Variants in RBFOX3 observed in about 807,000 individuals in gnomAD.
RBFOX3 encodes RNA binding protein fox-1 homolog 3.
In RBFOX3, 17 loss-of-function variants were observed where a neutral mutation model predicts 48.7. The observed-to-expected ratio is 0.35, with a 90% CI of 0.24 to 0.52. The LOEUF is 0.52. RBFOX3 is among the 20% of genes least tolerant of loss of function. RBFOX3 has a pLI of 0.94. For missense variants in RBFOX3, 382 were observed against 497.5 expected, an observed-to-expected ratio of 0.77 and a Z score of 2.21; for synonymous variants, 212 against 209.5, an observed-to-expected ratio of 1.01 and a Z score of -0.10.
intron 3 of RBFOX3, among the ~76,000 whole-genome samples, chr17:79,270,645 C>T (rs79037045): frequency 0.013 from 1,968 of 152,370 alleles, 45 homozygotes; most frequent in African/African-American, 0.045. Flanking sequence ...ACTGGTCCCC[C>T]TCCAGGTGCA....
the RBFOX3 span, among the ~76,000 whole-genome samples, chr17:79,627,003 A>C: frequency 6.6e-6 from 1 of 152,252 alleles, no homozygotes; most frequent in East Asian, 1.9e-4. Flanking sequence ...AAACAGGAAG[A>C]TGCACCCAGC....
intron 4 of RBFOX3, among the ~76,000 whole-genome samples, chr17:79,163,232 A>C (rs924588926): frequency 6.6e-6 from 1 of 152,098 alleles, no homozygotes. Flanking sequence ...CGGGCAGCAC[A>C]CTCGGCTGAA....
At chr17:79,108,848 C>T (rs539065891) in intron 5 of RBFOX3, among the ~76,000 whole-genome samples, 4 of 152,346 alleles carry the variant, frequency 2.6e-5, no homozygotes, top group South Asian at 2.1e-4. Flanking sequence ...TCTTCCCTGG[C>T]GACAGCCCCT....
chr17:79,567,553 A>G (rs2144428758), intron 1 of RBFOX3, among the ~76,000 whole-genome samples: 1 of 149,884 alleles, frequency 6.7e-6, no homozygotes, highest in Non-Finnish European at 1.5e-5. Flanking sequence ...CCATGTTGCC[A>G]TAAATGACAG....
In RBFOX3 at chr17:79,515,416, G is replaced by C. The variant is rs907235953; in HGVS notation, c.-319-32818C>G. 5.3e-5 allele frequency among the ~76,000 whole-genome samples: 8 copies of C among 152,274 alleles called. No homozygotes were observed. In the East Asian group the frequency reaches 1.5e-3, roughly 29 times the overall value. ...ATGTGTCAAGCCACTTGTACCCCAG[G>C]TCTCTCCCATCTCCTGTGTTACACT... is the stretch of plus-strand genomic sequence containing the variant. On this transcript the variant is annotated intron_variant, in intron 1 of 14. Transcript: ENST00000693108.
intron 2 of RBFOX3, among the ~76,000 whole-genome samples, chr17:79,397,382 A>T (rs781308340): frequency 2.6e-5 from 4 of 151,820 alleles, no homozygotes; most frequent in Non-Finnish European, 4.4e-5. Flanking sequence ...AGTCCCAGCT[A>T]CTCGGGGGTC....
At chr17:79,295,186 T>A (rs2074128764) in intron 3 of RBFOX3, among the ~76,000 whole-genome samples, 1 of 152,162 alleles carries the variant, frequency 6.6e-6, no homozygotes, top group African/African-American at 2.4e-5. Flanking sequence ...TTGGGGCCCA[T>A]AAGCCACGCA....
intron 2 of RBFOX3, among the ~76,000 whole-genome samples, chr17:79,457,712 C>A (rs9905474): frequency 6.6e-6 from 1 of 152,196 alleles, no homozygotes; most frequent in African/African-American, 2.4e-5. Context: ...GCTGTCCCCG[C>A]GATGTCCCTG....
intron 4 of RBFOX3, among the ~76,000 whole-genome samples, chr17:79,165,948 C>T (rs1259404972): frequency 6.6e-6 from 1 of 152,238 alleles, no homozygotes; most frequent in African/African-American, 2.4e-5. Flanking sequence ...CACTGTGAGC[C>T]AAGGCCCTGC....
intron 3 of RBFOX3, among the ~76,000 whole-genome samples, chr17:79,275,123 C>T (rs947316736): frequency 9.2e-5 from 12 of 130,578 alleles, no homozygotes; most frequent in Admixed American, 1.5e-4. Context: ...TCCATGTCTC[C>T]CTCTCTCTCT....
chr17:79,180,647 T>A (rs754067747), intron 4 of RBFOX3, among the ~76,000 whole-genome samples: 1 of 150,858 alleles, frequency 6.6e-6, no homozygotes, highest in Non-Finnish European at 1.5e-5. Flanking sequence ...GATAAGCGGG[T>A]TCCCAAACTA....
chr17:79,360,826 CTTTT>C (rs71365558), intron 2 of RBFOX3, among the ~76,000 whole-genome samples: 27 of 145,742 alleles, frequency 1.9e-4, no homozygotes, highest in Non-Finnish European at 2.9e-4. Flanking sequence ...GATCAAATTC[CTTTT>C]TTTTTTTTTT....
Position 79,364,639 on chromosome 17 carries a change from G to T in RBFOX3, c.-174-56815C>A, listed in dbSNP as rs1349205939. 1.3e-5 allele frequency among the ~76,000 whole-genome samples: 2 copies of T among 152,194 alleles called. No homozygotes were observed. The highest frequency in any genetic ancestry group is 4.8e-5 in the African/African-American group (2 of 41,440). On this transcript the variant is annotated intron_variant, in intron 2 of 14. Coordinates refer to ENST00000693108, the MANE Select transcript of RBFOX3 (RefSeq NM_001350451.2). The surrounding 1 kb of genome is among the most constrained non-coding windows in gnomAD (Gnocchi z 5.1). Reference sequence around the variant, plus strand: ...TGTGCTGGTGGGTGACGGGGAGCGGGCGTGAGCAGGTCGGATAGCCTGCTG... The same window carrying T: ...TGTGCTGGTGGGTGACGGGGAGCGGTCGTGAGCAGGTCGGATAGCCTGCTG...
At chr17:79,381,088 C>T (rs1484193412) in intron 2 of RBFOX3, among the ~76,000 whole-genome samples, 1 of 152,060 alleles carries the variant, frequency 6.6e-6, no homozygotes, top group African/African-American at 2.4e-5. Context: ...GGTGAAACCC[C>T]GTTTCTACTG....
At chr17:79,414,952 G>A (rs896317817) in intron 2 of RBFOX3, among the ~76,000 whole-genome samples, 1 of 152,216 alleles carries the variant, frequency 6.6e-6, no homozygotes, top group African/African-American at 2.4e-5. Context: ...CGTTCCCAGA[G>A]GGCTCCTGAG....
chr17:79,329,432 C>T (rs929151616), intron 2 of RBFOX3, among the ~76,000 whole-genome samples: 1 of 152,072 alleles, frequency 6.6e-6, no homozygotes, highest in Non-Finnish European at 1.5e-5. Context: ...GAAGTGGCTC[C>T]CCCAGCCTCT....
the RBFOX3 span, among the ~76,000 whole-genome samples, chr17:79,628,730 T>TA: frequency 6.6e-6 from 1 of 152,056 alleles, no homozygotes; most frequent in Non-Finnish European, 1.5e-5. Context: ...GACTTTGTGT[T>TA]TCCTTGGAAA....
chr17:79,102,044 G>C (rs901907618), intron 8 of RBFOX3, among the ~76,000 whole-genome samples: 12 of 152,154 alleles, frequency 7.9e-5, no homozygotes, highest in African/African-American at 4.8e-5. Context: ...CCTAGGCATG[G>C]GTACCAAGAT....
rs1185707763 is a variant in RBFOX3 at position 79,535,263 on chromosome 17, C to A, written c.-319-52665G>T. Reference sequence around the variant, plus strand: ...CCAAGGCCCCTCTCCAAGGGCTGTTCACAGAGGCTGACTCCCGTCCTCCCT... The same window carrying A: ...CCAAGGCCCCTCTCCAAGGGCTGTTAACAGAGGCTGACTCCCGTCCTCCCT... On this transcript the variant is annotated intron_variant, in intron 1 of 14. Coordinates refer to ENST00000693108, the MANE Select transcript of RBFOX3 (RefSeq NM_001350451.2). The surrounding 1 kb of genome is among the most constrained non-coding windows in gnomAD (Gnocchi z 4.5). 6.6e-6 allele frequency among the ~76,000 whole-genome samples: 1 copy of A among 152,194 alleles called. No individual in the cohort carries two copies. The highest frequency in any genetic ancestry group is 2.4e-5 in the African/African-American group (1 of 41,456).
Sources: allele counts gnomAD v4.1 joint callset (sites outside exome capture counted in the v4.1 genomes callset), GRCh38; gene constraint gnomAD v4.1.1; non-coding constraint Gnocchi (gnomAD v3.1); transcripts MANE v1.5; gene names NCBI Gene and HGNC (gene_info 2026-07-23, HGNC 2026-07-21).